DOCK1: variants seen among roughly 807,000 people sequenced by gnomAD.
DOCK1 encodes the protein dedicator of cytokinesis protein 1.
Under a neutral mutation model 262.7 loss-of-function variants are expected in DOCK1, and 138 were observed. The ratio of observed to expected loss-of-function variants is 0.53; its 90% confidence interval spans 0.46 to 0.61. The LOEUF (loss-of-function observed/expected upper bound fraction) is 0.61. DOCK1 is among the 20% of genes least tolerant of loss of function. DOCK1 has a pLI of 0.00. For missense variants in DOCK1, 1,908 were observed against 2,370.7 expected (o/e 0.80, Z 4.05); for synonymous variants, 866 against 867.4 (o/e 1.00, Z 0.03).
intron 29 of DOCK1, among the ~76,000 whole-genome samples, chr10:127,300,570 G>A (rs1383741743): frequency 6.6e-6 from 1 of 152,204 alleles, no homozygotes; most frequent in Non-Finnish European, 1.5e-5. Flanking sequence ...CCCTTTTATA[G>A]CACAAATGTT....
intron 27 of DOCK1, among the ~76,000 whole-genome samples, chr10:127,172,756 A>G (rs1240804287): frequency 6.6e-6 from 1 of 152,072 alleles, no homozygotes; most frequent in East Asian, 1.9e-4. Flanking sequence ...GATTGATTTT[A>G]AAGTAAAACC....
At chr10:126,971,311 C>T (rs992022678) in intron 2 of DOCK1, among the ~76,000 whole-genome samples, 1 of 151,944 alleles carries the variant, frequency 6.6e-6, no homozygotes. Context: ...CCTCAGCCTC[C>T]CAAAGTACTG....
At chr10:127,187,164 G>T (rs958168386) in intron 27 of DOCK1, among the ~76,000 whole-genome samples, 26 of 152,206 alleles carry the variant, frequency 1.7e-4, no homozygotes, top group African/African-American at 6.3e-4. Flanking sequence ...AACACATTAA[G>T]TGTTAAACTC....
chr10:127,273,644 G>A (rs1367968980), intron 29 of DOCK1, among the ~76,000 whole-genome samples: 1 of 152,102 alleles, frequency 6.6e-6, no homozygotes, highest in Admixed American at 6.5e-5. Flanking sequence ...CATTTTGGGA[G>A]GCTGAGGTGG....
chr10:126,933,447 G>A (rs2034329973), intron 1 of DOCK1, among the ~76,000 whole-genome samples: 1 of 152,256 alleles, frequency 6.6e-6, no homozygotes, highest in Admixed American at 6.5e-5. Context: ...GTTGCCTCCT[G>A]CCTGTAAAAG....
chr10:127,339,733 G>GTGTGTGCA (rs71032552), intron 30 of DOCK1, among the ~76,000 whole-genome samples: 32,441 of 106,390 alleles, frequency 0.3, 6,201 homozygotes, highest in South Asian at 0.4. Context: ...GTGTGTGTGT[G>GTGTGTGCA]TGCATGCTGT....
intron 33 of DOCK1, among the ~76,000 whole-genome samples, chr10:127,365,990 G>A (rs1256498430): frequency 6.6e-6 from 1 of 152,178 alleles, no homozygotes; most frequent in Non-Finnish European, 1.5e-5. Flanking sequence ...GGCACATTTA[G>A]TTCCATCTCA....
At chr10:126,918,607 G>T (rs1274901512) in intron 1 of DOCK1, among the ~76,000 whole-genome samples, 3 of 152,200 alleles carry the variant, frequency 2.0e-5, no homozygotes, top group Non-Finnish European at 2.9e-5. Context: ...AGCTCTGTAT[G>T]TTCTTCAGAT....
At chr10:127,193,354 G>A (rs567206904) in intron 27 of DOCK1, among the ~76,000 whole-genome samples, 134 of 152,278 alleles carry the variant, frequency 8.8e-4, no homozygotes, top group Admixed American at 2.2e-3. Context: ...GAGCTTCTTG[G>A]ATGCTATGGA....
intron 13 of DOCK1, 65 bp from the exon 14 acceptor site, chr10:127,023,135 C>G: frequency 6.4e-7 from 1 of 1,572,374 alleles, no homozygotes; most frequent in Non-Finnish European, 8.7e-7. Flanking sequence ...GACAGTCTTG[C>G]AAAATTCACA....
chr10:127,054,262 C>G (rs1278838264), intron 22 of DOCK1, among the ~76,000 whole-genome samples: 1 of 152,186 alleles, frequency 6.6e-6, no homozygotes, highest in Non-Finnish European at 1.5e-5. Context: ...GTTGACCTAT[C>G]AGAGTCATAA....
At chr10:127,329,366 T>C (rs1033649533) in intron 29 of DOCK1, among the ~76,000 whole-genome samples, 4 of 151,988 alleles carry the variant, frequency 2.6e-5, no homozygotes, top group Non-Finnish European at 5.9e-5. Context: ...GCCTGAGGGA[T>C]GGACACTGGG....
chr10:127,130,684 C>T (rs145879162), intron 27 of DOCK1, among the ~76,000 whole-genome samples: 1 of 152,318 alleles, frequency 6.6e-6, no homozygotes, highest in East Asian at 1.9e-4. Flanking sequence ...CATGCATTTA[C>T]GTGCTATGCA....
intron 40 of DOCK1, among the ~76,000 whole-genome samples, chr10:127,405,207 A>C (rs1219886014): frequency 6.6e-6 from 1 of 152,226 alleles, no homozygotes; most frequent in Non-Finnish European, 1.5e-5. Context: ...AGAAACTCCA[A>C]ACCAGGCTCC....
chr10:127,189,698 G>C (rs1380924814), intron 27 of DOCK1, among the ~76,000 whole-genome samples: 1 of 152,170 alleles, frequency 6.6e-6, no homozygotes, highest in African/African-American at 2.4e-5. Flanking sequence ...GTTTGAAAGT[G>C]AACAGCATAT....
At position 126,995,333 on chromosome 10, in the gene DOCK1, C is replaced by T. The variant is rs919374038; in HGVS notation, c.474-1415C>T. Among the ~76,000 whole-genome samples the T allele has an allele frequency of 2.0e-5, 3 of 152,206 alleles. No homozygotes were observed. Among genetic ancestry groups the T allele is most frequent in the Admixed American group, 6.5e-5 (1 of 15,284 alleles). The stretch of plus-strand genomic sequence containing the variant: ...GTAGCGAGCCGAGATCATGCCACTG[C>T]ACTCCAGCCTGGGCAACACTGAGCA... On this transcript the variant is annotated intron_variant, in intron 6 of 51. Coordinates refer to ENST00000623213, the MANE Select transcript of DOCK1 (RefSeq NM_001290223.2). The surrounding 1 kb of genome is among the most constrained non-coding windows in gnomAD (Gnocchi z 5.8).
intron 33 of DOCK1, among the ~76,000 whole-genome samples, chr10:127,373,051 C>G (rs995326070): frequency 2.0e-5 from 3 of 152,064 alleles, no homozygotes; most frequent in Non-Finnish European, 4.4e-5. Flanking sequence ...TTTTTTTCAG[C>G]CTGATCAGAC....
intron 1 of DOCK1, among the ~76,000 whole-genome samples, chr10:126,937,446 C>A (rs1423828955): frequency 6.6e-6 from 1 of 151,094 alleles, no homozygotes; most frequent in South Asian, 2.1e-4. Flanking sequence ...GTTTTACATT[C>A]CCACCACTAG....
At chr10:127,411,005 G>A (rs970607887) in intron 43 of DOCK1, 81 bp downstream of exon 43, 5 of 1,392,870 alleles carry the variant, frequency 3.6e-6, no homozygotes, top group Non-Finnish European at 5.0e-6. Flanking sequence ...GAGAAGCGTG[G>A]CCTCAGAGGC....
Sources: allele counts gnomAD v4.1 joint callset (sites outside exome capture counted in the v4.1 genomes callset), GRCh38; gene constraint gnomAD v4.1.1; non-coding constraint Gnocchi (gnomAD v3.1); transcripts MANE v1.5; gene names NCBI Gene and HGNC (gene_info 2026-07-23, HGNC 2026-07-21).